The following GHR variants were observed in gnomAD, a reference collection of about 807,000 sequenced individuals.
GHR encodes GH receptor.
GHR carries 35 observed loss-of-function variants against 67.1 expected under a neutral mutation model. The ratio of observed to expected loss-of-function variants is 0.52; its 90% CI spans 0.40 to 0.69. The LOEUF is 0.69. GHR is among the 30% of genes least tolerant of loss of function. The pLI, the probability that GHR is intolerant of heterozygous loss-of-function variation, is 0.00. For missense variants in GHR, 792 were observed against 764.6 expected (o/e 1.04, Z -0.42); for synonymous variants, 272 against 269.1 (o/e 1.01, Z -0.10).
chr5:42,677,722 G>A (rs561513087), intron 3 of GHR, among the ~76,000 whole-genome samples: 1 of 152,096 alleles, frequency 6.6e-6, no homozygotes, highest in Non-Finnish European at 1.5e-5. Flanking sequence ...AAATTTTTTT[G>A]CAACTTGTTC....
chr5:42,657,345 T>A (rs985620311), intron 3 of GHR, among the ~76,000 whole-genome samples: 2 of 152,178 alleles, frequency 1.3e-5, no homozygotes, highest in Non-Finnish European at 2.9e-5. Context: ...TGTGTCTACA[T>A]ATAAATGATT....
intron 2 of GHR, among the ~76,000 whole-genome samples, chr5:42,591,047 T>C (rs1370623759): frequency 1.3e-5 from 2 of 152,228 alleles, no homozygotes; most frequent in Admixed American, 6.5e-5. Context: ...ATTAGGCAAA[T>C]GTACACTTCT....
At chr5:42,692,778 T>G (rs1004423176) in intron 4 of GHR, among the ~76,000 whole-genome samples, 6 of 152,318 alleles carry the variant, frequency 3.9e-5, no homozygotes, top group African/African-American at 9.6e-5. Flanking sequence ...AATCCAGACC[T>G]GTTAAGCACT....
At chr5:42,492,236 A>G (rs1258977112) in intron 1 of GHR, among the ~76,000 whole-genome samples, 1 of 152,228 alleles carries the variant, frequency 6.6e-6, no homozygotes, top group Admixed American at 6.5e-5. Flanking sequence ...TGAATTTTTA[A>G]AAGCAGTAAA....
chr5:42,643,697 G>C (rs1754588970), intron 3 of GHR, among the ~76,000 whole-genome samples: 1 of 151,286 alleles, frequency 6.6e-6, no homozygotes, highest in Non-Finnish European at 1.5e-5. Flanking sequence ...GAAGGGAAAG[G>C]TGGCCAAGAT....
At chr5:42,458,453 C>T (rs746269819) in intron 1 of GHR, among the ~76,000 whole-genome samples, 12 of 147,898 alleles carry the variant, frequency 8.1e-5, no homozygotes, top group Non-Finnish European at 1.4e-4. Flanking sequence ...TGGACCCCTC[C>T]TTACACCATA....
chr5:42,679,488 G>A (rs1326320420), intron 3 of GHR, among the ~76,000 whole-genome samples: 9 of 152,014 alleles, frequency 5.9e-5, no homozygotes, highest in Admixed American at 3.9e-4. Context: ...AGCTGGGCAC[G>A]GTGGCACGCA....
intron 1 of GHR, among the ~76,000 whole-genome samples, chr5:42,503,565 G>A (rs1398261000): frequency 6.6e-6 from 1 of 152,174 alleles, no homozygotes; most frequent in Admixed American, 6.5e-5. Context: ...TCAAGAGCCT[G>A]CTATGAGTGT....
chr5:42,587,197 A>G (rs1479269130), intron 2 of GHR, among the ~76,000 whole-genome samples: 1 of 125,664 alleles, frequency 8.0e-6, no homozygotes, highest in Non-Finnish European at 1.8e-5. Context: ...AACAAAGCAA[A>G]AGCAATAAAG....
chr5:42,668,595 AAATT>A (rs1270620103), intron 3 of GHR, among the ~76,000 whole-genome samples: 4 of 152,314 alleles, frequency 2.6e-5, no homozygotes, highest in African/African-American at 7.2e-5. Flanking sequence ...AAAAAATAAA[AAATT>A]AAAAACATGC....
At chr5:42,432,571 T>A (rs965198842) in intron 1 of GHR, among the ~76,000 whole-genome samples, 2 of 152,144 alleles carry the variant, frequency 1.3e-5, no homozygotes, top group Non-Finnish European at 2.9e-5. Context: ...AGCCTCTAAG[T>A]TGGCCAAACT....
intron 1 of GHR, among the ~76,000 whole-genome samples, chr5:42,551,928 T>C (rs1279127080): frequency 6.6e-6 from 1 of 152,196 alleles, no homozygotes; most frequent in African/African-American, 2.4e-5. Context: ...AGCTTTCCAA[T>C]GAGGGGAGCA....
rs1158830359 is a variant in GHR at position 42,424,171 on chromosome 5, AGTGTGT to A, written c.-12+259_-12+264del. Reference sequence around the variant, plus strand: ...CTGGTGGGTTGTTGTAACCCAATCTAGTGTGTGTGTGTGTGTGTGTGTGTGTGTGTG... The same window carrying A: ...CTGGTGGGTTGTTGTAACCCAATCTAGTGTGTGTGTGTGTGTGTGTGTGTG... On this transcript the variant is annotated intron_variant, in intron 1 of 9. Coordinates refer to ENST00000230882, the MANE Select transcript of GHR (RefSeq NM_000163.5). This position sits in a 1 kb window ranked among gnomAD's most constrained non-coding sequence, Gnocchi z 4.1. 0.014 allele frequency among the ~76,000 whole-genome samples: 1,433 copies of A among 100,560 alleles called. 17 individuals carry two copies. The highest frequency in any genetic ancestry group is 0.032 in the Middle Eastern group (6 of 190). The allele number at this position is 100,560 out of a possible 152,430, so 66.0% of individuals were successfully genotyped here. A position where few individuals can be genotyped will look rare whatever the true frequency, so the allele number is the denominator to read the frequency against.
intron 2 of GHR, among the ~76,000 whole-genome samples, chr5:42,580,220 T>A (rs1355458460): frequency 1.3e-5 from 2 of 152,194 alleles, no homozygotes; most frequent in Non-Finnish European, 2.9e-5. Flanking sequence ...TTAAAGTTAA[T>A]TAACACAGCA....
At chr5:42,633,621 C>A (rs1419732484) in intron 3 of GHR, among the ~76,000 whole-genome samples, 2 of 152,088 alleles carry the variant, frequency 1.3e-5, no homozygotes, top group African/African-American at 2.4e-5. Context: ...TTGATTAATT[C>A]TTCCTGCCTA....
chr5:42,650,967 A>G (rs1030529678), intron 3 of GHR, among the ~76,000 whole-genome samples: 1 of 152,190 alleles, frequency 6.6e-6, no homozygotes, highest in Non-Finnish European at 1.5e-5. Flanking sequence ...TACCATATAA[A>G]TCTATGAGGA....
Position 42,718,736 on chromosome 5 carries a change from A to G in GHR, c.1229A>G (p.Glu410Gly), listed in dbSNP as rs759822889. 6.2e-7 allele frequency: 1 copy of G among 1,614,114 alleles called. No homozygotes were observed. The stretch of plus-strand genomic sequence containing the variant: ...AATGACATACATGAGGGTACCTCAG[A>G]GGTTGCTCAGCCACAGAGGTTAAAA... ...NANDIHEGTS[E>G]VAQPQRLKGE... Residue 410 changes from glutamate (E) to glycine (G), a missense_variant, in exon 10 of 10, where the codon GAG becomes GGG. Transcript: ENST00000230882.
In GHR at chr5:42,522,743, T is replaced by G. The variant is rs995295954; in HGVS notation, c.-11-43121T>G. ...TACTTCCAAGATTGTTTTTGTGGTT[T>G]TAAGAAAGAATCTGAATTCCAAGAT... On this transcript the variant is annotated intron_variant, in intron 1 of 9. Transcript: ENST00000230882. Among the ~76,000 whole-genome samples the G allele has an allele frequency of 2.0e-5, 3 of 152,202 alleles. No homozygotes were observed. In the East Asian group the frequency reaches 5.8e-4, roughly 29 times the overall value.
chr5:42,647,574 C>CAAAAAA (rs36110641), intron 3 of GHR: 13 of 325,904 alleles, frequency 4.0e-5, no homozygotes, highest in Non-Finnish European at 5.2e-5. Flanking sequence ...ACTGCGTCTC[C>CAAAAAA]AAAAAAAAAA....
Sources: gnomAD v4.1 joint callset for allele counts (sites outside exome capture counted in the v4.1 genomes callset) on GRCh38, gnomAD v4.1.1 for gene constraint, Gnocchi (gnomAD v3.1) non-coding constraint, MANE v1.5 for transcripts, NCBI Gene and HGNC (gene_info 2026-07-23, HGNC 2026-07-21) for gene names.